MACROD2: variants seen among roughly 807,000 people sequenced by gnomAD.
MACROD2 encodes ADP-ribose glycohydrolase MACROD2.
In MACROD2, 36 loss-of-function variants were observed where a neutral mutation model predicts 70.4. The observed-to-expected ratio is 0.51, with a 90% confidence interval of 0.39 to 0.68. The LOEUF (loss-of-function observed/expected upper bound fraction) is 0.68. MACROD2 is among the 30% of genes least tolerant of loss of function. The pLI is 0.00. For missense variants in MACROD2, 496 were observed against 538.4 expected (o/e 0.92, Z 0.78); for synonymous variants, 172 against 178.8 (o/e 0.96, Z 0.30).
At chr20:14,204,608 C>G (rs2081507891) in intron 3 of MACROD2, among the ~76,000 whole-genome samples, 1 of 152,190 alleles carries the variant, frequency 6.6e-6, no homozygotes, top group African/African-American at 2.4e-5. Flanking sequence ...ATGTGGACTG[C>G]TTGGGAATCT....
At chr20:16,041,666 AC>A (rs1480973660) in intron 16 of MACROD2, among the ~76,000 whole-genome samples, 1 of 151,938 alleles carries the variant, frequency 6.6e-6, no homozygotes, top group Non-Finnish European at 1.5e-5. Context: ...GGAGAGCCCT[AC>A]CTTTGGTGTG....
chr20:15,889,389 T>C (rs767574712), intron 10 of MACROD2, among the ~76,000 whole-genome samples: 2 of 152,110 alleles, frequency 1.3e-5, no homozygotes, highest in Non-Finnish European at 2.9e-5. Context: ...GGAACTGTTA[T>C]TATTGAGGCT....
intron 6 of MACROD2, among the ~76,000 whole-genome samples, chr20:15,233,595 C>A (rs533539637): frequency 1.3e-5 from 2 of 152,078 alleles, no homozygotes; most frequent in African/African-American, 4.8e-5. Flanking sequence ...GGAAAAAATT[C>A]ATTACATTTC....
At chr20:15,021,168 A>G (rs1403920959) in intron 5 of MACROD2, among the ~76,000 whole-genome samples, 1 of 127,740 alleles carries the variant, frequency 7.8e-6, no homozygotes, top group East Asian at 2.6e-4. Flanking sequence ...GTGTGTATGT[A>G]TACACATACA....
chr20:15,804,776 T>G (rs2147077436), intron 8 of MACROD2, among the ~76,000 whole-genome samples: 1 of 152,264 alleles, frequency 6.6e-6, no homozygotes, highest in African/African-American at 2.4e-5. Context: ...CAAATACCTG[T>G]GACTCTTTGC....
At chr20:14,783,431 A>C (rs1014718113) in intron 5 of MACROD2, among the ~76,000 whole-genome samples, 1 of 152,126 alleles carries the variant, frequency 6.6e-6, no homozygotes, top group African/African-American at 2.4e-5. Context: ...ATATTTTACC[A>C]TCTCTGCTCA....
intron 3 of MACROD2, among the ~76,000 whole-genome samples, chr20:14,258,775 A>G (rs1487795516): frequency 6.6e-6 from 1 of 152,058 alleles, no homozygotes; most frequent in Non-Finnish European, 1.5e-5. Context: ...CTTTGTCATG[A>G]ACTCTCCCTA....
intron 3 of MACROD2, among the ~76,000 whole-genome samples, chr20:14,162,498 T>G (rs929442776): frequency 6.6e-6 from 1 of 152,170 alleles, no homozygotes; most frequent in African/African-American, 2.4e-5. Flanking sequence ...GAAGTCTTTC[T>G]CACTATTTAG....
intron 7 of MACROD2, among the ~76,000 whole-genome samples, chr20:15,494,116 T>C (rs548453272): frequency 9.3e-4 from 141 of 152,368 alleles, no homozygotes; most frequent in African/African-American, 3.3e-3. Flanking sequence ...TAAAGCTATC[T>C]TTAATAGCTT....
At chr20:15,718,278 C>T (rs1299100672) in intron 8 of MACROD2, among the ~76,000 whole-genome samples, 3 of 152,012 alleles carry the variant, frequency 2.0e-5, no homozygotes, top group African/African-American at 4.8e-5. Context: ...CATGAACCAC[C>T]GTGGATGGCC....
intron 5 of MACROD2, among the ~76,000 whole-genome samples, chr20:15,187,849 T>C (rs1214675019): frequency 6.6e-6 from 1 of 152,132 alleles, no homozygotes; most frequent in Non-Finnish European, 1.5e-5. Flanking sequence ...TCTCAGAAAT[T>C]GGTTGTTTAA....
chr20:14,332,450 T>C (rs1444079852), intron 3 of MACROD2, among the ~76,000 whole-genome samples: 2 of 152,274 alleles, frequency 1.3e-5, no homozygotes, highest in East Asian at 3.9e-4. Context: ...AAGGTATTTC[T>C]TATGTTTTGA....
chr20:14,580,607 C>A (rs1007735013), intron 4 of MACROD2, among the ~76,000 whole-genome samples: 1 of 152,164 alleles, frequency 6.6e-6, no homozygotes, highest in Non-Finnish European at 1.5e-5. Context: ...GCTGTGTAAA[C>A]AAATGCTGGC....
At chr20:15,999,815 G>A (rs1318680874) in intron 15 of MACROD2, among the ~76,000 whole-genome samples, 2 of 152,190 alleles carry the variant, frequency 1.3e-5, no homozygotes, top group African/African-American at 4.8e-5. Context: ...AGCCCAAGCT[G>A]TCAATAAAAG....
chr20:14,143,852 C>T (rs1224542950), intron 3 of MACROD2, among the ~76,000 whole-genome samples: 2 of 152,082 alleles, frequency 1.3e-5, no homozygotes, highest in African/African-American at 4.8e-5. Context: ...GACTTATGAA[C>T]CACACAGTGT....
At chr20:14,673,686 A>G (rs942256170) in intron 4 of MACROD2, among the ~76,000 whole-genome samples, 5 of 152,140 alleles carry the variant, frequency 3.3e-5, no homozygotes, top group South Asian at 4.1e-4. Flanking sequence ...TGGGAGGCTG[A>G]AGCAGGTGGA....
intron 6 of MACROD2, among the ~76,000 whole-genome samples, chr20:15,278,210 G>A (rs996185308): frequency 6.6e-5 from 10 of 152,162 alleles, no homozygotes; most frequent in African/African-American, 2.4e-4. Flanking sequence ...TTGCCCCTGA[G>A]TCATACCCAG....
At chr20:15,496,268 C>A (rs760621304) in intron 7 of MACROD2, among the ~76,000 whole-genome samples, 1 of 152,194 alleles carries the variant, frequency 6.6e-6, no homozygotes, top group Non-Finnish European at 1.5e-5. Context: ...AACTTTGAAT[C>A]GGGAATGTTG....
At chr20:14,728,338 A>G (rs2071553963) in intron 5 of MACROD2, among the ~76,000 whole-genome samples, 1 of 152,186 alleles carries the variant, frequency 6.6e-6, no homozygotes, top group African/African-American at 2.4e-5. Flanking sequence ...CCTTTTTGGA[A>G]AGTACTTTAA....
Sources: gnomAD v4.1 joint callset for allele counts (sites outside exome capture counted in the v4.1 genomes callset) on GRCh38, gnomAD v4.1.1 for gene constraint, MANE v1.5 for transcripts, NCBI Gene and HGNC (gene_info 2026-07-23, HGNC 2026-07-21) for gene names.